Variants in ANO3 observed in about 807,000 individuals in gnomAD.
ANO3 encodes anoctamin-3.
ANO3 carries 99 observed loss-of-function variants against 144.8 expected under a neutral mutation model. That is an observed-to-expected ratio of 0.68 (90% CI 0.58 to 0.81). ANO3 has a LOEUF of 0.81. Among genes scored for constraint, ANO3 ranks in the 30% least tolerant of loss-of-function variants. The pLI is 0.00. For missense variants in ANO3, 905 were observed against 1,202.2 expected (o/e 0.75, Z 3.66); for synonymous variants, 414 against 392.6 (o/e 1.05, Z -0.64).
At chr11:26,438,168 A>G (rs1858361189) in intron 1 of ANO3, among the ~76,000 whole-genome samples, 1 of 152,218 alleles carries the variant, frequency 6.6e-6, no homozygotes, top group Non-Finnish European at 1.5e-5. Context: ...ATTTCAATAC[A>G]GTGGGAAAGA....
chr11:26,377,797 C>T (rs1856456759), intron 1 of ANO3, among the ~76,000 whole-genome samples: 1 of 151,996 alleles, frequency 6.6e-6, no homozygotes, highest in Non-Finnish European at 1.5e-5. Flanking sequence ...TGATTACCTA[C>T]AAATAAACAG....
chr11:26,510,120 G>A (rs1406470451), intron 5 of ANO3, among the ~76,000 whole-genome samples: 2 of 116,282 alleles, frequency 1.7e-5, no homozygotes, highest in Non-Finnish European at 3.3e-5. Context: ...GCTACATTGC[G>A]AGACTCCATC....
At chr11:26,615,502 T>C (rs976961686) in intron 17 of ANO3, among the ~76,000 whole-genome samples, 24 of 151,674 alleles carry the variant, frequency 1.6e-4, no homozygotes, top group Non-Finnish European at 2.7e-4. Flanking sequence ...ACTTGACCTG[T>C]GTAACGCTGG....
chr11:26,300,976 C>G (rs1483421157), intron 1 of ANO3, among the ~76,000 whole-genome samples: 3 of 133,764 alleles, frequency 2.2e-5, no homozygotes, highest in Non-Finnish European at 3.1e-5. Context: ...GCCTCAGCCT[C>G]CCAAGTAGTT....
At chr11:26,650,908 C>T (rs200258988) in intron 24 of ANO3, among the ~76,000 whole-genome samples, 1 of 152,140 alleles carries the variant, frequency 6.6e-6, no homozygotes, top group Admixed American at 6.6e-5. Context: ...GGATACTTAG[C>T]AGTCTTTTAC....
At chr11:26,456,548 T>C (rs1394063504) in intron 3 of ANO3, among the ~76,000 whole-genome samples, 3 of 138,192 alleles carry the variant, frequency 2.2e-5, no homozygotes, top group Non-Finnish European at 4.6e-5. Context: ...CCAATTAGAA[T>C]GACAATCATT....
At chr11:26,515,554 G>A (rs748097428) in intron 5 of ANO3, among the ~76,000 whole-genome samples, 3 of 151,756 alleles carry the variant, frequency 2.0e-5, no homozygotes, top group East Asian at 3.9e-4. Flanking sequence ...ATAAAATATC[G>A]TCTGGCAAAT....
At chr11:26,653,940 A>C (rs1197947450) in intron 24 of ANO3, among the ~76,000 whole-genome samples, 1 of 152,114 alleles carries the variant, frequency 6.6e-6, no homozygotes, top group Non-Finnish European at 1.5e-5. Context: ...TATTTCACCA[A>C]GGATTGCAGT....
chr11:26,333,473 G>A (rs141818895), intron 1 of ANO3, among the ~76,000 whole-genome samples: 10,623 of 151,928 alleles, frequency 0.07, 493 homozygotes, highest in Non-Finnish European at 0.1. Flanking sequence ...TAGTAGAGAC[G>A]GGGTTTCACC....
intron 1 of ANO3, among the ~76,000 whole-genome samples, chr11:26,353,718 G>A (rs1183821069): frequency 8.5e-5 from 13 of 152,064 alleles, no homozygotes; most frequent in Non-Finnish European, 1.5e-4. Flanking sequence ...ACAGACATGC[G>A]CCACCGCGTC....
chr11:26,530,556 A>AAG (rs984315791), intron 7 of ANO3, among the ~76,000 whole-genome samples: 1 of 14,084 alleles, frequency 7.1e-5, no homozygotes, highest in African/African-American at 1.4e-4. Flanking sequence ...TTTTGCGCTT[A>AAG]AAAAAAAAAA....
At chr11:26,229,433 A>G (rs369704246) in intron 1 of ANO3, among the ~76,000 whole-genome samples, 1 of 152,186 alleles carries the variant, frequency 6.6e-6, no homozygotes, top group Non-Finnish European at 1.5e-5. Flanking sequence ...TTAACTCAGT[A>G]TATTAATATT....
intron 17 of ANO3, among the ~76,000 whole-genome samples, chr11:26,621,051 G>A (rs969140102): frequency 2.6e-5 from 4 of 152,176 alleles, no homozygotes; most frequent in African/African-American, 7.2e-5. Context: ...TCACAGTGAA[G>A]GCTGTATTGT....
At chr11:26,476,128 G>C (rs1427583167) in intron 4 of ANO3, among the ~76,000 whole-genome samples, 2 of 152,098 alleles carry the variant, frequency 1.3e-5, no homozygotes, top group African/African-American at 4.8e-5. Context: ...ACACTATTTT[G>C]AGAATTCACC....
At chr11:26,303,970 C>T (rs1287213065) in intron 1 of ANO3, among the ~76,000 whole-genome samples, 1 of 152,126 alleles carries the variant, frequency 6.6e-6, no homozygotes. Flanking sequence ...GCCTCAGCCT[C>T]CCAAAGTGCT....
chr11:26,253,714 T>C lies in ANO3; in HGVS notation c.155-55931T>C, dbSNP rs150333981. Among the ~76,000 whole-genome samples, 117 of 152,304 alleles carry C rather than the reference T, an allele frequency of 7.7e-4. 1 individual carries two copies. The Middle Eastern group carries it at 0.017, about 22-fold the overall frequency. On this transcript the variant is annotated intron_variant, in intron 1 of 27. Coordinates refer to the ANO3 transcript ENST00000672621. ...TAAGATGTAATGAGAGTCTTATCCA[T>C]GGCCAACAGTCAGTAAATGGTAAAG...
intron 3 of ANO3, among the ~76,000 whole-genome samples, chr11:26,446,469 A>G (rs1858705999): frequency 6.6e-6 from 1 of 152,204 alleles, no homozygotes; most frequent in South Asian, 2.1e-4. Context: ...GCATGTGGTC[A>G]GTGTTTCATT....
At chr11:26,422,315 G>A (rs1020663774) in intron 1 of ANO3, among the ~76,000 whole-genome samples, 2 of 151,888 alleles carry the variant, frequency 1.3e-5, no homozygotes, top group African/African-American at 2.4e-5. Flanking sequence ...TAAGAACTCC[G>A]TATCAGCAGA....
intron 1 of ANO3, among the ~76,000 whole-genome samples, chr11:26,283,351 T>C (rs1474909917): frequency 7.0e-5 from 9 of 129,432 alleles, no homozygotes; most frequent in African/African-American, 2.4e-4. Context: ...TATATATATA[T>C]ATATATATAT....
Sources: gnomAD v4.1 joint callset for allele counts (sites outside exome capture counted in the v4.1 genomes callset) on GRCh38, gnomAD v4.1.1 for gene constraint, MANE v1.5 for transcripts, NCBI Gene and HGNC (gene_info 2026-07-23, HGNC 2026-07-21) for gene names.